FHIT: variants seen among roughly 807,000 people sequenced by gnomAD.
The protein encoded by FHIT is bis(5'-adenosyl)-triphosphatase.
A neutral mutation model predicts 17.9 loss-of-function variants in FHIT; 19 were observed. The ratio of observed to expected loss-of-function variants is 1.06; its 90% confidence interval spans 0.74 to 1.56. The LOEUF (loss-of-function observed/expected upper bound fraction) is 1.56, where lower values mean the gene tolerates loss of function less well. Ranked by LOEUF, FHIT falls within the 40% of genes most tolerant of loss-of-function variation. The pLI is 0.00. For missense variants in FHIT, 248 were observed against 189.2 expected, an observed-to-expected ratio of 1.31 and a Z score of -1.82; for synonymous variants, 81 against 69.7, an observed-to-expected ratio of 1.16 and a Z score of -0.81.
chr3:60,846,886 T>C (rs1702947580), intron 3 of FHIT, among the ~76,000 whole-genome samples: 1 of 151,998 alleles, frequency 6.6e-6, no homozygotes, highest in Non-Finnish European at 1.5e-5. Flanking sequence ...TGCAGTGGCA[T>C]GATCTCAGCT....
At chr3:60,120,379 A>G (rs947330612) in intron 5 of FHIT, among the ~76,000 whole-genome samples, 2 of 152,228 alleles carry the variant, frequency 1.3e-5, no homozygotes, top group Non-Finnish European at 2.9e-5. Context: ...ATTATAAATA[A>G]AACTTCACTG....
At chr3:59,927,891 T>G (rs567405306) in intron 7 of FHIT, among the ~76,000 whole-genome samples, 28 of 152,250 alleles carry the variant, frequency 1.8e-4, no homozygotes, top group Admixed American at 6.5e-4. Flanking sequence ...TCTTCTGCGC[T>G]GTCTCTGCTC....
intron 5 of FHIT, among the ~76,000 whole-genome samples, chr3:60,437,883 G>C (rs752075490): frequency 6.6e-6 from 1 of 150,426 alleles, no homozygotes; most frequent in Admixed American, 6.6e-5. Context: ...ATCATGACTA[G>C]TCACTTGAAT....
At chr3:59,988,058 G>T (rs564185338) in intron 7 of FHIT, among the ~76,000 whole-genome samples, 1 of 152,092 alleles carries the variant, frequency 6.6e-6, no homozygotes, top group Non-Finnish European at 1.5e-5. Flanking sequence ...CACACATTTG[G>T]GAGGTTTATA....
chr3:59,966,176 G>A (rs1707917830), intron 7 of FHIT, among the ~76,000 whole-genome samples: 1 of 152,126 alleles, frequency 6.6e-6, no homozygotes, highest in Non-Finnish European at 1.5e-5. Context: ...AAACAAATAA[G>A]ACTCTTAGTA....
At chr3:59,911,652 T>C (rs1233676402) in intron 8 of FHIT, among the ~76,000 whole-genome samples, 1 of 152,164 alleles carries the variant, frequency 6.6e-6, no homozygotes, top group African/African-American at 2.4e-5. Context: ...TTTGAAAAAA[T>C]ACCTTGGCAT....
chr3:59,807,630 A>G (rs1700254547), intron 8 of FHIT, among the ~76,000 whole-genome samples: 2 of 152,190 alleles, frequency 1.3e-5, no homozygotes, highest in African/African-American at 4.8e-5. Flanking sequence ...CGGCAGCAGT[A>G]TATCCCAGCA....
At chr3:60,638,662 C>T (rs1039418675) in intron 4 of FHIT, among the ~76,000 whole-genome samples, 3 of 151,992 alleles carry the variant, frequency 2.0e-5, no homozygotes, top group Non-Finnish European at 4.4e-5. Context: ...TTTTATGGCT[C>T]ATGGTGTGAT....
intron 7 of FHIT, 98 bp from the exon 8 acceptor site, chr3:59,922,512 G>A: frequency 1.0e-6 from 1 of 963,958 alleles, no homozygotes; most frequent in Non-Finnish European, 1.6e-6. Flanking sequence ...CTCCACGATG[G>A]TTCCTGCTGG....
At chr3:61,208,500 G>A (rs1276213045) in intron 1 of FHIT, among the ~76,000 whole-genome samples, 1 of 152,070 alleles carries the variant, frequency 6.6e-6, no homozygotes, top group African/African-American at 2.4e-5. Flanking sequence ...GGGTGCTCCT[G>A]TATTGGGTGC....
intron 3 of FHIT, among the ~76,000 whole-genome samples, 193 bp from the exon 4 acceptor site, chr3:60,822,204 A>C (rs1701954343): frequency 6.6e-6 from 1 of 152,186 alleles, no homozygotes; most frequent in Non-Finnish European, 1.5e-5. Flanking sequence ...ACTGTGGCTC[A>C]AAAGGGTGTA....
intron 5 of FHIT, among the ~76,000 whole-genome samples, chr3:60,360,997 T>TTCATA (rs1366286810): frequency 6.6e-6 from 1 of 152,186 alleles, no homozygotes; most frequent in Admixed American, 6.5e-5. Flanking sequence ...TCCCCACAAA[T>TTCATA]TCATATACCT....
Position 61,104,889 on chromosome 3 carries a change from T to C in FHIT, c.-163-62790A>G, listed in dbSNP as rs535771352. Among the ~76,000 whole-genome samples the C allele has an allele frequency of 1.3e-4, 20 of 152,300 alleles. No individual in the cohort carries two copies. In the East Asian group the frequency reaches 3.9e-3, roughly 29 times the overall value. On this transcript the variant is annotated intron_variant, in intron 2 of 9. Coordinates refer to ENST00000492590, the MANE Select transcript of FHIT (RefSeq NM_002012.4). ...AATACTTGTGATTGCATTATGAAATTACTATAGTGTATTTTTCAGCTCTAT... is the reference window on the plus strand; with the variant it reads ...AATACTTGTGATTGCATTATGAAATCACTATAGTGTATTTTTCAGCTCTAT...
rs576254679 is a variant in FHIT, at chr3:60,695,799, ACCTCACTTC to A, written c.-18+126111_-18+126119del. The stretch of plus-strand genomic sequence containing the variant: ...TGAGCAACGTATTTAACTTCTTTGT[ACCTCACTTC>A]CCTCACCTACAAAATGGAAGTAATA... On this transcript the variant is annotated intron_variant, in intron 4 of 9. Coordinates refer to ENST00000492590, the MANE Select transcript of FHIT (RefSeq NM_002012.4). Among the ~76,000 whole-genome samples, 146 of 152,256 alleles carry A rather than the reference ACCTCACTTC, an allele frequency of 9.6e-4. 3 individuals carry two copies. The South Asian group carries it at 0.016, about 17-fold the overall frequency.
At chr3:61,177,618 T>A (rs937954569) in intron 2 of FHIT, among the ~76,000 whole-genome samples, 2 of 152,220 alleles carry the variant, frequency 1.3e-5, no homozygotes, top group African/African-American at 4.8e-5. Flanking sequence ...ATGGGACATC[T>A]GGGTTCTGAG....
intron 8 of FHIT, among the ~76,000 whole-genome samples, chr3:59,808,884 ACT>A (rs1700306144): frequency 6.6e-6 from 1 of 151,748 alleles, no homozygotes; most frequent in African/African-American, 2.4e-5. Flanking sequence ...GACACCAAAA[ACT>A]CTCCGACAGA....
Position 59,957,287 on chromosome 3 carries a change from C to G in FHIT, c.280-34873G>C, listed in dbSNP as rs563647478. Among the ~76,000 whole-genome samples the G allele has an allele frequency of 3.3e-5, 5 of 152,230 alleles. No individual in the cohort carries two copies. In the South Asian group the frequency reaches 8.3e-4, roughly 25 times the overall value. On this transcript the variant is annotated intron_variant, in intron 7 of 9. Coordinates refer to ENST00000492590, the MANE Select transcript of FHIT (RefSeq NM_002012.4). ...GGAATTTGGATACACAAAGAGAAAC[C>G]AGGGGTGTGCATTCGAGAGAAAAGA...
At chr3:60,243,293 CA>C (rs1453758973) in intron 5 of FHIT, among the ~76,000 whole-genome samples, 1 of 152,006 alleles carries the variant, frequency 6.6e-6, no homozygotes, top group Non-Finnish European at 1.5e-5. Flanking sequence ...AACAACTGAA[CA>C]AAAGGGACAA....
At chr3:60,665,176 C>T (rs1304939884) in intron 4 of FHIT, among the ~76,000 whole-genome samples, 4 of 151,902 alleles carry the variant, frequency 2.6e-5, no homozygotes, top group African/African-American at 7.2e-5. Context: ...ATTTGCTAAG[C>T]ATTTTTTATG....
Sources: allele counts gnomAD v4.1 joint callset (sites outside exome capture counted in the v4.1 genomes callset), GRCh38; gene constraint gnomAD v4.1.1; transcripts MANE v1.5; gene names NCBI Gene and HGNC (gene_info 2026-07-23, HGNC 2026-07-21).